Variants in FRMD6 observed in about 807,000 individuals in gnomAD.
FRMD6 encodes FERM domain-containing protein 6.
A neutral mutation model predicts 73.2 loss-of-function variants in FRMD6; 37 were observed. The observed-to-expected ratio is 0.51, with a 90% CI of 0.39 to 0.66. FRMD6 has a LOEUF of 0.66. Among genes scored for constraint, FRMD6 ranks in the 30% least tolerant of loss-of-function variants. FRMD6 has a pLI of 0.00. For synonymous variants in FRMD6, 273 were observed against 282.2 expected (o/e 0.97, Z 0.33); for missense variants, 714 against 780.5 (o/e 0.91, Z 1.02).
In FRMD6 at chr14:51,670,543, TG is replaced by T. The variant is rs538286594; in HGVS notation, c.-147+18549del. Among the ~76,000 whole-genome samples the T allele has an allele frequency of 2.0e-3, 301 of 152,344 alleles. 1 individual carries two copies. Among genetic ancestry groups the T allele is most frequent in the Non-Finnish European group, 3.3e-3 (222 of 68,028 alleles). ...CTCATGTTTAACACTAATTGAACTT[TG>T]GTTGTAGTTGCATTGAATATATAGA... On this transcript the variant is annotated intron_variant, in intron 1 of 13. Transcript: ENST00000344768.
chr14:51,521,521 T>C (rs1419277014), intron 1 of FRMD6, among the ~76,000 whole-genome samples: 2 of 152,066 alleles, frequency 1.3e-5, no homozygotes, highest in Non-Finnish European at 2.9e-5. Context: ...CACATTTATG[T>C]CTTTTGTCTT....
chr14:51,621,706 A>G (rs1393621458), intron 2 of FRMD6, among the ~76,000 whole-genome samples: 3 of 152,226 alleles, frequency 2.0e-5, no homozygotes, highest in Non-Finnish European at 4.4e-5. Flanking sequence ...ATACCTTTAA[A>G]GAAGACAGAA....
At chr14:51,570,588 A>C (rs1888077174) in intron 2 of FRMD6, among the ~76,000 whole-genome samples, 1 of 152,222 alleles carries the variant, frequency 6.6e-6, no homozygotes, top group South Asian at 2.1e-4. Context: ...GGGTCTGAAA[A>C]TGTGGTTCCC....
chr14:51,472,366 C>T, the FRMD6 span, among the ~76,000 whole-genome samples: 145 of 152,146 alleles, frequency 9.5e-4, no homozygotes, highest in African/African-American at 3.1e-3. Context: ...TGCAGTGGTG[C>T]GATCTCAGCT....
intron 13 of FRMD6, 76 bp from the exon 14 acceptor site, chr14:51,727,669 T>A: frequency 7.2e-7 from 1 of 1,390,838 alleles, no homozygotes; most frequent in Admixed American, 2.1e-5. Flanking sequence ...TTTGTGGTTC[T>A]GTAGCATCTC....
chr14:51,637,170 T>C (rs1416509787), intron 2 of FRMD6, among the ~76,000 whole-genome samples: 1 of 152,062 alleles, frequency 6.6e-6, no homozygotes, highest in African/African-American at 2.4e-5. Context: ...TGCAGTGAGT[T>C]GTAATCCTGC....
upstream of FRMD6, among the ~76,000 whole-genome samples, chr14:51,488,556 T>A (rs1162452968): frequency 2.0e-5 from 3 of 152,242 alleles, no homozygotes; most frequent in African/African-American, 7.2e-5. Context: ...AAACTAGGAA[T>A]GAATCAAACA....
chr14:51,540,846 A>G (rs990431560), intron 1 of FRMD6, among the ~76,000 whole-genome samples: 1 of 152,144 alleles, frequency 6.6e-6, no homozygotes, highest in African/African-American at 2.4e-5. Context: ...TGGTTTTTCA[A>G]TGCTTTGTCA....
the FRMD6 span, among the ~76,000 whole-genome samples, chr14:51,420,392 G>T: frequency 2.2e-4 from 33 of 152,152 alleles, 1 homozygote; most frequent in Non-Finnish European, 4.4e-5. Flanking sequence ...AGGGTTAGAG[G>T]GATGGAGACT....
At chr14:51,477,737 C>CTTTTTTTTTT in the FRMD6 span, among the ~76,000 whole-genome samples, 2 of 134,172 alleles carry the variant, frequency 1.5e-5, no homozygotes, top group African/African-American at 2.8e-5. Context: ...TTTTCTTTTT[C>CTTTTTTTTTT]TTTTTTTTTT....
intron 2 of FRMD6, among the ~76,000 whole-genome samples, chr14:51,573,060 T>C (rs560530553): frequency 6.6e-6 from 1 of 152,338 alleles, no homozygotes; most frequent in South Asian, 2.1e-4. Flanking sequence ...TATCTAGACA[T>C]TGGTTCTTCA....
At chr14:51,694,722 T>G (rs571834895) in intron 2 of FRMD6, among the ~76,000 whole-genome samples, 1 of 152,282 alleles carries the variant, frequency 6.6e-6, no homozygotes. Context: ...TAGAGTATAT[T>G]TTTAGATAAA....
At chr14:51,465,782 A>G in the FRMD6 span, among the ~76,000 whole-genome samples, 1 of 152,078 alleles carries the variant, frequency 6.6e-6, no homozygotes, top group African/African-American at 2.4e-5. Context: ...CTTTGTGCAA[A>G]CATGTTTTCT....
chr14:51,515,752 C>T (rs1270117169), intron 1 of FRMD6, among the ~76,000 whole-genome samples: 1 of 152,174 alleles, frequency 6.6e-6, no homozygotes, highest in Admixed American at 6.5e-5. Flanking sequence ...GGAGACCCAT[C>T]CGTTGGACTT....
At chr14:51,724,369 C>G (rs1566601326) in intron 12 of FRMD6, among the ~76,000 whole-genome samples, 1 of 152,186 alleles carries the variant, frequency 6.6e-6, no homozygotes, top group African/African-American at 2.4e-5. Flanking sequence ...ATACTCTTTA[C>G]AGGCATGATA....
At chr14:51,639,239 T>TCCCG in intron 2 of FRMD6, among the ~76,000 whole-genome samples, 2 of 151,974 alleles carry the variant, frequency 1.3e-5, no homozygotes, top group African/African-American at 4.8e-5. Flanking sequence ...ATCGAGACCA[T>TCCCG]GCTGACCAAC....
intron 1 of FRMD6, among the ~76,000 whole-genome samples, chr14:51,517,995 C>G (rs886556609): frequency 3.9e-5 from 6 of 152,090 alleles, no homozygotes; most frequent in Admixed American, 2.6e-4. Flanking sequence ...TCCTCTCGGA[C>G]AAGTATAACA....
At chr14:51,680,348 G>C (rs975992245) in intron 1 of FRMD6, among the ~76,000 whole-genome samples, 1 of 152,084 alleles carries the variant, frequency 6.6e-6, no homozygotes. Flanking sequence ...GCTCCTCCCA[G>C]TTCTCAGCCT....
At chr14:51,657,069 A>G (rs1490862761) in intron 1 of FRMD6, among the ~76,000 whole-genome samples, 1 of 152,216 alleles carries the variant, frequency 6.6e-6, no homozygotes, top group Non-Finnish European at 1.5e-5. Flanking sequence ...AAAATTAAGC[A>G]ATTTCTTGAT....
Sources: gnomAD v4.1 joint callset for allele counts (sites outside exome capture counted in the v4.1 genomes callset) on GRCh38, gnomAD v4.1.1 for gene constraint, MANE v1.5 for transcripts, NCBI Gene and HGNC (gene_info 2026-07-23, HGNC 2026-07-21) for gene names.